Variants in DACH1 observed in about 807,000 individuals in gnomAD.
DACH1 encodes the protein dachshund family transcription factor 1.
In DACH1, 12 loss-of-function variants were observed where a neutral mutation model predicts 54.2. The ratio of observed to expected loss-of-function variants is 0.22; its 90% CI spans 0.14 to 0.36. DACH1 has a LOEUF of 0.36. Among genes scored for constraint, DACH1 ranks in the 10% least tolerant of loss-of-function variants. The pLI, the probability that DACH1 is intolerant of heterozygous loss-of-function variation, is 1.00. For synonymous variants in DACH1, 386 were observed against 366.2 expected, an observed-to-expected ratio of 1.05 and a Z score of -0.62; for missense variants, 805 against 929.8, an observed-to-expected ratio of 0.87 and a Z score of 1.75.
At chr13:71,533,165 A>G (rs1882526799) in intron 6 of DACH1, among the ~76,000 whole-genome samples, 1 of 151,898 alleles carries the variant, frequency 6.6e-6, no homozygotes, top group South Asian at 2.1e-4. Context: ...AAGACAATGA[A>G]GACTGTGAGT....
chr13:71,519,891 A>G (rs1404813960), intron 6 of DACH1, among the ~76,000 whole-genome samples: 3 of 127,514 alleles, frequency 2.4e-5, no homozygotes, highest in Non-Finnish European at 5.2e-5. Context: ...TAGTATATAT[A>G]TATATATATA....
At chr13:71,764,393 G>A (rs575675589) in intron 1 of DACH1, among the ~76,000 whole-genome samples, 2 of 152,080 alleles carry the variant, frequency 1.3e-5, no homozygotes, top group Admixed American at 1.3e-4. Context: ...GCAATAAAGT[G>A]AGAGCCCATA....
chr13:71,439,859 C>T lies in DACH1; in HGVS notation c.*796G>A, dbSNP rs544275439. 6.6e-6 allele frequency: 1 copy of T among 152,282 alleles called. No homozygotes were observed. The highest frequency in any genetic ancestry group is 2.1e-4 in the South Asian group (1 of 4,806). The allele number at this position is 152,282 out of a possible 1,614,324, so 9.4% of individuals were successfully genotyped here. ...TTATGTTTATATACTGTACATATGA[C>T]CAACAGTTTGAATAAGAAGCAACAT... On this transcript the variant is annotated 3_prime_UTR_variant, in exon 11 of 11. Coordinates refer to ENST00000613252, the MANE Select transcript of DACH1 (RefSeq NM_080759.6).
chr13:71,735,256 CGTGTATATGGGAT>C (rs1341102065), intron 1 of DACH1, among the ~76,000 whole-genome samples: 12,288 of 67,614 alleles, frequency 0.18, 4,212 homozygotes, highest in Non-Finnish European at 0.38. Flanking sequence ...ATGGGATATA[CGTGTATATGGGAT>C]ACACGTATGT....
intron 6 of DACH1, among the ~76,000 whole-genome samples, chr13:71,526,506 A>G (rs993171233): frequency 3.9e-5 from 6 of 152,032 alleles, no homozygotes; most frequent in African/African-American, 1.4e-4. Flanking sequence ...CTATTTCTTA[A>G]TCTGTAAAAT....
intron 1 of DACH1, among the ~76,000 whole-genome samples, chr13:71,701,769 T>C (rs1882147307): frequency 6.6e-6 from 1 of 152,144 alleles, no homozygotes; most frequent in Non-Finnish European, 1.5e-5. Flanking sequence ...AGTAAATTAA[T>C]TCAGAGTAAT....
intron 2 of DACH1, among the ~76,000 whole-genome samples, chr13:71,658,695 TCTAAAAC>T (rs1879298842): frequency 6.6e-6 from 1 of 152,188 alleles, no homozygotes; most frequent in South Asian, 2.1e-4. Context: ...TATTTAAAAG[TCTAAAAC>T]CTACAACATT....
At chr13:71,850,597 TA>T in intron 1 of DACH1, among the ~76,000 whole-genome samples, 1 of 152,202 alleles carries the variant, frequency 6.6e-6, no homozygotes, top group East Asian at 1.9e-4. Flanking sequence ...ATTAAAAGTT[TA>T]AAAACCACAC....
At chr13:71,581,307 C>T (rs955525622) in intron 3 of DACH1, among the ~76,000 whole-genome samples, 1 of 152,150 alleles carries the variant, frequency 6.6e-6, no homozygotes, top group Non-Finnish European at 1.5e-5. Flanking sequence ...CACTATTACC[C>T]AGGCTGGAGA....
intron 1 of DACH1, among the ~76,000 whole-genome samples, chr13:71,862,115 A>T (rs1258856561): frequency 6.6e-6 from 1 of 151,984 alleles, no homozygotes; most frequent in Non-Finnish European, 1.5e-5. Context: ...TACTTAAGTT[A>T]AAAACCCCTC....
chr13:71,832,922 C>CT (rs1185275458), intron 1 of DACH1, among the ~76,000 whole-genome samples: 1 of 151,816 alleles, frequency 6.6e-6, no homozygotes, highest in African/African-American at 2.4e-5. Context: ...TATTTTTCCT[C>CT]TTTTTTGAGA....
intron 1 of DACH1, among the ~76,000 whole-genome samples, chr13:71,763,156 A>G (rs1885474598): frequency 6.6e-6 from 1 of 152,192 alleles, no homozygotes; most frequent in African/African-American, 2.4e-5. Context: ...ATATTAACTC[A>G]CTGATTCCTT....
intron 1 of DACH1, among the ~76,000 whole-genome samples, chr13:71,831,205 C>T (rs17837285): frequency 2.6e-5 from 4 of 151,834 alleles, no homozygotes; most frequent in African/African-American, 7.2e-5. Flanking sequence ...ATTGTGGCTA[C>T]TATTTCCTCA....
intron 1 of DACH1, among the ~76,000 whole-genome samples, chr13:71,716,980 T>C (rs1386021829): frequency 6.6e-6 from 1 of 152,152 alleles, no homozygotes; most frequent in Non-Finnish European, 1.5e-5. Flanking sequence ...TTTTAAAGTA[T>C]ACATCATGCA....
intron 1 of DACH1, among the ~76,000 whole-genome samples, chr13:71,735,303 GATATACGTGTATATGGGAT>G (rs1175967253): frequency 7.4e-5 from 5 of 68,024 alleles, no homozygotes; most frequent in East Asian, 7.3e-4. Context: ...ACGTATACGG[GATATACGTGTATATGGGAT>G]ATACACGTAT....
intron 1 of DACH1, among the ~76,000 whole-genome samples, chr13:71,817,307 G>A (rs946603844): frequency 5.8e-4 from 89 of 152,280 alleles, no homozygotes; most frequent in African/African-American, 2.1e-3. Flanking sequence ...CAGCTCCCAG[G>A]ACTGTAAGTT....
chr13:71,855,846 A>T (rs1873967425), intron 1 of DACH1, among the ~76,000 whole-genome samples: 2 of 152,028 alleles, frequency 1.3e-5, no homozygotes, highest in African/African-American at 4.8e-5. Flanking sequence ...GTCCTAAAAA[A>T]GTTTCTTCTC....
intron 3 of DACH1, among the ~76,000 whole-genome samples, chr13:71,598,269 T>C (rs571635226): frequency 5.3e-5 from 8 of 152,154 alleles, no homozygotes; most frequent in Non-Finnish European, 1.0e-4. Context: ...TGATGCTTTT[T>C]TTTGAGATGG....
intron 1 of DACH1, among the ~76,000 whole-genome samples, chr13:71,782,786 G>A (rs1286303386): frequency 1.3e-5 from 2 of 151,992 alleles, no homozygotes; most frequent in African/African-American, 4.8e-5. Context: ...AGTTATTTGT[G>A]CACATTTGAA....
Sources: gnomAD v4.1 joint callset for allele counts (sites outside exome capture counted in the v4.1 genomes callset) on GRCh38, gnomAD v4.1.1 for gene constraint, MANE v1.5 for transcripts, NCBI Gene and HGNC (gene_info 2026-07-23, HGNC 2026-07-21) for gene names.